UBE2D3: variants seen among roughly 807,000 people sequenced by gnomAD.
UBE2D3 encodes ubiquitin conjugating enzyme E2 D3.
Under a neutral mutation model 22.8 loss-of-function variants are expected in UBE2D3, and 2 were observed. The observed-to-expected ratio is 0.09, with a 90% CI of 0.04 to 0.28. The LOEUF (loss-of-function observed/expected upper bound fraction) is 0.28, where lower values mean the gene tolerates loss of function less well. UBE2D3 is among the 10% of genes least tolerant of loss of function. The probability of loss-of-function intolerance (pLI) is 1.00; values close to 1 mark genes in which losing one functional copy is unlikely to be tolerated. For missense variants in UBE2D3, 27 were observed against 182.5 expected (o/e 0.15, Z 4.91); for synonymous variants, 56 against 60.4 (o/e 0.93, Z 0.34).
At chr4:102,866,780 C>T (rs369865779) in intron 1 of UBE2D3, among the ~76,000 whole-genome samples, 2 of 152,072 alleles carry the variant, frequency 1.3e-5, no homozygotes, top group African/African-American at 2.4e-5. Flanking sequence ...AGAGAAGAAA[C>T]GAATAGGTAA....
At chr4:102,836,410 G>A (rs975016051) in intron 1 of UBE2D3, among the ~76,000 whole-genome samples, 2 of 152,132 alleles carry the variant, frequency 1.3e-5, no homozygotes, top group African/African-American at 4.8e-5. Context: ...GCCTCCCAAA[G>A]TGCTGGGATT....
At chr4:102,835,433 T>G (rs1399217326) in intron 1 of UBE2D3, among the ~76,000 whole-genome samples, 3 of 152,188 alleles carry the variant, frequency 2.0e-5, no homozygotes, top group African/African-American at 7.2e-5. Flanking sequence ...CAATCCCTCA[T>G]GGATACTGGA....
intron 1 of UBE2D3, among the ~76,000 whole-genome samples, chr4:102,863,561 T>C (rs1204440623): frequency 2.0e-5 from 3 of 152,118 alleles, no homozygotes; most frequent in Non-Finnish European, 2.9e-5. Context: ...TGGTACAATC[T>C]CAGCTCACTG....
intron 2 of UBE2D3, chr4:102,819,502 G>T: frequency 1.1e-6 from 1 of 931,730 alleles, no homozygotes; most frequent in Non-Finnish European, 1.3e-6. Context: ...TTCAATGACA[G>T]CCAGTATCTG....
intron 1 of UBE2D3, among the ~76,000 whole-genome samples, chr4:102,867,378 A>G (rs770277207): frequency 2.6e-5 from 4 of 152,228 alleles, no homozygotes; most frequent in Non-Finnish European, 5.9e-5. Flanking sequence ...GACCATTAGC[A>G]GTTCGTTATT....
intron 2 of UBE2D3, among the ~76,000 whole-genome samples, chr4:102,814,636 T>A (rs1157192326): frequency 2.0e-5 from 3 of 151,968 alleles, no homozygotes; most frequent in African/African-American, 7.3e-5. Context: ...ACAGGCCTAC[T>A]TTTTCTCATG....
At position 102,799,697 on chromosome 4, in the gene UBE2D3, G is replaced by A. The variant is rs139223413; in HGVS notation, c.305-197C>T. Among the ~76,000 whole-genome samples, 142 of 151,902 alleles carry A rather than the reference G, an allele frequency of 9.3e-4. 2 individuals are homozygous for A. The East Asian group carries it at 0.027, about 29-fold the overall frequency. On this transcript the variant is annotated intron_variant, in intron 6 of 7. Coordinates refer to ENST00000453744, the MANE Select transcript of UBE2D3 (RefSeq NM_181891.3). The stretch of plus-strand genomic sequence containing the variant: ...GTAAGTAAGAAGTGCTAAAAACAGG[G>A]TTTTGTGGCATGAAATTCACTGCAG...
chr4:102,858,386 A>G (rs1255941904), intron 1 of UBE2D3, among the ~76,000 whole-genome samples: 1 of 151,932 alleles, frequency 6.6e-6, no homozygotes, highest in African/African-American at 2.4e-5. Flanking sequence ...GGCTTCTTGT[A>G]TAACGGTTCT....
At chr4:102,836,482 T>C (rs1287835602) in intron 1 of UBE2D3, among the ~76,000 whole-genome samples, 3 of 152,164 alleles carry the variant, frequency 2.0e-5, no homozygotes, top group Non-Finnish European at 2.9e-5. Context: ...ATAGGGCTAC[T>C]ATGAACATTC....
At chr4:102,803,955 G>A (rs1474131558) in intron 4 of UBE2D3, among the ~76,000 whole-genome samples, 1 of 152,040 alleles carries the variant, frequency 6.6e-6, no homozygotes, top group African/African-American at 2.4e-5. Flanking sequence ...TTTTAGTAGA[G>A]ACTGAGTTTC....
At position 102,794,602 on chromosome 4, in the gene UBE2D3, T is replaced by G. The variant is rs1725073856; in HGVS notation, c.*2813A>C. 6.6e-6 allele frequency: 1 copy of G among 151,078 alleles called. No individual in the cohort carries two copies. Among genetic ancestry groups the G allele is most frequent in the Non-Finnish European group, 1.5e-5 (1 of 67,812 alleles). The allele number at this position is 151,078 out of a possible 1,614,324, so 9.4% of individuals were successfully genotyped here. ...GAGTTACCCCCCTCCCCGCCCAAAT[T>G]ACTAACACAGCATGATCAGTACCTT... On this transcript the variant is annotated 3_prime_UTR_variant, in exon 8 of 8. Coordinates refer to ENST00000453744, the MANE Select transcript of UBE2D3 (RefSeq NM_181891.3).
chr4:102,828,142 G>T (rs1038808688), upstream of UBE2D3: 19 of 985,380 alleles, frequency 1.9e-5, no homozygotes, highest in Non-Finnish European at 2.2e-5. Flanking sequence ...GCCCCTGAAT[G>T]CTTATGCCGG....
At chr4:102,829,242 C>T (rs1730973000), upstream of UBE2D3, among the ~76,000 whole-genome samples, 1 of 152,178 alleles carries the variant, frequency 6.6e-6, no homozygotes. Flanking sequence ...TTTTTCTCGT[C>T]TGAACCACCC....
At chr4:102,813,830 CTT>C (rs112605354) in intron 2 of UBE2D3, among the ~76,000 whole-genome samples, 1,814 of 152,260 alleles carry the variant, frequency 0.012, 20 homozygotes, top group African/African-American at 0.036. Context: ...ATATTTGCCT[CTT>C]ATATTCAAAA....
At chr4:102,821,360 A>T (rs1729583049) in intron 2 of UBE2D3, among the ~76,000 whole-genome samples, 1 of 152,124 alleles carries the variant, frequency 6.6e-6, no homozygotes, top group African/African-American at 2.4e-5. Flanking sequence ...ACAAAGTGAC[A>T]AACAACTATT....
chr4:102,800,515 A>G (rs547136527), intron 6 of UBE2D3, among the ~76,000 whole-genome samples: 8 of 152,022 alleles, frequency 5.3e-5, no homozygotes, highest in Non-Finnish European at 8.8e-5. Flanking sequence ...CACTCCCAGC[A>G]GTAGTAGAAA....
intron 6 of UBE2D3, 62 bp downstream of exon 6, chr4:102,801,392 T>G: frequency 7.3e-7 from 1 of 1,370,440 alleles, no homozygotes; most frequent in Admixed American, 1.9e-5. Context: ...CTCAGATAAG[T>G]AGATCTAAGA....
intron 1 of UBE2D3, among the ~76,000 whole-genome samples, chr4:102,858,683 CTACTT>C (rs948010154): frequency 1.6e-4 from 24 of 151,734 alleles, no homozygotes; most frequent in African/African-American, 5.6e-4. Flanking sequence ...AAAAAAATAA[CTACTT>C]TAGGTATGAT....
intron 2 of UBE2D3, chr4:102,810,394 C>G (rs899885351): frequency 1.4e-5 from 2 of 142,822 alleles, no homozygotes; most frequent in Non-Finnish European, 3.0e-5. Flanking sequence ...TTAAACTCAG[C>G]ATCCATTTTT....
Sources: allele counts gnomAD v4.1 joint callset (sites outside exome capture counted in the v4.1 genomes callset), GRCh38; gene constraint gnomAD v4.1.1; transcripts MANE v1.5; gene names NCBI Gene and HGNC (gene_info 2026-07-23, HGNC 2026-07-21).